The following DIAPH2 variants were observed in gnomAD, a reference collection of about 807,000 sequenced individuals.
DIAPH2 encodes the protein protein diaphanous homolog 2.
DIAPH2 carries 35 observed loss-of-function variants against 92.7 expected under a neutral mutation model. The observed-to-expected ratio is 0.38, with a 90% CI of 0.29 to 0.50. The LOEUF (loss-of-function observed/expected upper bound fraction) is 0.50. Among genes scored for constraint, DIAPH2 ranks in the 20% least tolerant of loss-of-function variants. DIAPH2 has a pLI of 0.94. For missense variants in DIAPH2, 701 were observed against 819.5 expected (o/e 0.86, Z 1.77); for synonymous variants, 301 against 280.4 (o/e 1.07, Z -0.73).
At chrX:97,379,297 G>A (rs1216540933) in intron 24 of DIAPH2, among the ~76,000 whole-genome samples, 1 of 111,622 alleles carries the variant, frequency 9.0e-6, no homozygotes, top group African/African-American at 3.3e-5. Context: ...GAGGAAGGGG[G>A]TTTGCAAAAT....
rs1235870524 is a variant in DIAPH2 at position 97,118,334 on chromosome X, A to G, written c.2589+3369A>G. Among the ~76,000 whole-genome samples the G allele has an allele frequency of 2.7e-5, 3 of 111,350 alleles. No homozygotes were observed. The Admixed American group carries it at 2.9e-4, about 11-fold the overall frequency. ...ATGTTTGATTCAAATTCAAATTATG[A>G]AGAGAGCCTAATGAGCCCGGTGTGG... On this transcript the variant is annotated intron_variant, in intron 21 of 26. Transcript: ENST00000324765.
At chrX:97,060,981 C>T (rs755185786) in intron 17 of DIAPH2, among the ~76,000 whole-genome samples, 4 of 87,086 alleles carry the variant, frequency 4.6e-5, no homozygotes, top group East Asian at 3.2e-4. Flanking sequence ...GATACACAAA[C>T]GCACACGTGC....
intron 26 of DIAPH2, among the ~76,000 whole-genome samples, chrX:97,552,799 G>T (rs775912809): frequency 8.9e-6 from 1 of 111,889 alleles, no homozygotes; most frequent in African/African-American, 3.2e-5. Context: ...TGCTAGGGCA[G>T]TTACAATAAA....
At chrX:97,484,995 G>C in intron 26 of DIAPH2, among the ~76,000 whole-genome samples, 1 of 112,482 alleles carries the variant, frequency 8.9e-6, no homozygotes, top group East Asian at 2.8e-4. Context: ...CTGGCATAGA[G>C]CAGAACATTC....
At chrX:97,236,835 C>T (rs1057062613) in intron 22 of DIAPH2, among the ~76,000 whole-genome samples, 1 of 111,460 alleles carries the variant, frequency 9.0e-6, no homozygotes, top group African/African-American at 3.3e-5. Context: ...TGAACCACCG[C>T]GCCCGGCGTG....
At chrX:97,348,094 A>G in intron 23 of DIAPH2, 22 bp from the exon 24 acceptor site, 2 of 1,207,454 alleles carry the variant, frequency 1.7e-6, no homozygotes, top group South Asian at 1.8e-5. Context: ...CTGTTGAGCC[A>G]TGTTCCTTAA....
chrX:97,082,485 A>G (rs182401415), intron 19 of DIAPH2, among the ~76,000 whole-genome samples: 85 of 108,833 alleles, frequency 7.8e-4, no homozygotes, highest in Middle Eastern at 4.7e-3. Flanking sequence ...TACAAAAATT[A>G]GTCAGGTGTG....
At chrX:96,925,522 C>T (rs1157323785) in intron 9 of DIAPH2, among the ~76,000 whole-genome samples, 1 of 111,503 alleles carries the variant, frequency 9.0e-6, no homozygotes, top group Non-Finnish European at 1.9e-5. Context: ...AGCATTGTTA[C>T]ATCTCACTGT....
intron 22 of DIAPH2, among the ~76,000 whole-genome samples, chrX:97,211,487 T>G (rs2067840109): frequency 9.0e-6 from 1 of 111,450 alleles, no homozygotes; most frequent in Admixed American, 9.6e-5. Context: ...TAGACCAAAG[T>G]GAAAACAACA....
At chrX:97,078,719 T>A (rs1285276683) in intron 19 of DIAPH2, among the ~76,000 whole-genome samples, 2 of 111,205 alleles carry the variant, frequency 1.8e-5, no homozygotes, top group Admixed American at 9.6e-5. Flanking sequence ...TTTTATATAA[T>A]CCTATTTATT....
intron 9 of DIAPH2, 93 bp from the exon 10 acceptor site, chrX:96,930,640 T>C (rs1297568160): frequency 1.1e-5 from 6 of 537,756 alleles, no homozygotes; most frequent in Admixed American, 8.0e-5. Context: ...TTTATCATTA[T>C]GTGTGTATGC....
At chrX:97,183,471 G>C (rs2067556699) in intron 22 of DIAPH2, among the ~76,000 whole-genome samples, 1 of 112,137 alleles carries the variant, frequency 8.9e-6, no homozygotes, top group Non-Finnish European at 1.9e-5. Context: ...CATATTGTAA[G>C]GGGTTAAGTA....
intron 26 of DIAPH2, chrX:97,453,881 G>C (rs976615404): frequency 6.3e-5 from 7 of 111,372 alleles, no homozygotes; most frequent in Admixed American, 1.9e-4. Context: ...AAAGCTGCTA[G>C]GTCAGGCTCA....
At chrX:97,072,075 T>C (rs772270062) in intron 17 of DIAPH2, among the ~76,000 whole-genome samples, 3 of 111,743 alleles carry the variant, frequency 2.7e-5, no homozygotes, top group Non-Finnish European at 5.6e-5. Flanking sequence ...CTGCCAACAC[T>C]TGAGTACAAT....
intron 26 of DIAPH2, among the ~76,000 whole-genome samples, chrX:97,553,477 A>C (rs977258480): frequency 1.4e-4 from 16 of 110,666 alleles, no homozygotes; most frequent in African/African-American, 5.2e-4. Context: ...TACAAACATA[A>C]TGGATGTTTT....
chrX:97,289,748 A>G (rs1306572032), intron 23 of DIAPH2, among the ~76,000 whole-genome samples: 1 of 106,647 alleles, frequency 9.4e-6, no homozygotes, highest in East Asian at 2.9e-4. Context: ...TTTTTGACCC[A>G]GGGTCTTGCT....
At chrX:97,295,167 T>G (rs1352335732) in intron 23 of DIAPH2, among the ~76,000 whole-genome samples, 1 of 111,849 alleles carries the variant, frequency 8.9e-6, no homozygotes, top group African/African-American at 3.2e-5. Context: ...TTATACAGGT[T>G]TATCACTGGT....
intron 23 of DIAPH2, among the ~76,000 whole-genome samples, chrX:97,282,466 C>T (rs1040241219): frequency 9.0e-6 from 1 of 110,705 alleles, no homozygotes; most frequent in Non-Finnish European, 1.9e-5. Flanking sequence ...CCTGCCACCA[C>T]GCCCAGCTAA....
chrX:97,429,847 G>GA lies in DIAPH2; in HGVS notation c.3241+104dup. ...AGGAAAAATAAAAATACTTCCTCAT[G>GA]AAGACTTTTTTTAACAGTTGATCTC... On this transcript the variant is annotated intron_variant, in intron 26 of 26. Transcript: ENST00000324765. 7.2e-6 allele frequency: 6 copies of GA among 828,892 alleles called. 1 individual carries two copies. In the South Asian group the frequency reaches 1.9e-4, roughly 26 times the overall value. The allele number at this position is 828,892 out of a possible 1,213,427, so 68.3% of individuals were successfully genotyped here. A position where few individuals can be genotyped will look rare whatever the true frequency, so the allele number is the denominator to read the frequency against.
Sources: allele counts gnomAD v4.1 joint callset (sites outside exome capture counted in the v4.1 genomes callset), GRCh38; gene constraint gnomAD v4.1.1; transcripts MANE v1.5; gene names NCBI Gene and HGNC (gene_info 2026-07-23, HGNC 2026-07-21).